The following LRFN5 variants were observed in gnomAD, a reference collection of about 807,000 sequenced individuals.
LRFN5 encodes the protein leucine rich repeat and fibronectin type III domain containing 5, also known as leucine-rich repeat and fibronectin type-III domain-containing protein 5.
Under a neutral mutation model 45.6 loss-of-function variants are expected in LRFN5, and 24 were observed. That is an observed-to-expected ratio of 0.53 (90% CI 0.38 to 0.74). The LOEUF is 0.74. Ranked by LOEUF, LRFN5 falls within the 30% of genes least tolerant of loss-of-function variation. LRFN5 has a pLI of 0.00. For synonymous variants in LRFN5, 340 were observed against 313.8 expected, an observed-to-expected ratio of 1.08 and a Z score of -0.88; for missense variants, 776 against 861.5, an observed-to-expected ratio of 0.90 and a Z score of 1.24.
At chr14:41,867,651 C>T (rs561212408) in intron 2 of LRFN5, among the ~76,000 whole-genome samples, 1 of 152,220 alleles carries the variant, frequency 6.6e-6, no homozygotes, top group East Asian at 1.9e-4. Context: ...AGCAGATCTC[C>T]ATATTACATT....
chr14:41,806,288 T>C (rs1002447987), intron 2 of LRFN5, among the ~76,000 whole-genome samples: 1 of 152,156 alleles, frequency 6.6e-6, no homozygotes, highest in African/African-American at 2.4e-5. Flanking sequence ...GCCTTCATTG[T>C]GCTCAGCATT....
intron 2 of LRFN5, among the ~76,000 whole-genome samples, chr14:41,869,208 A>G (rs934543125): frequency 2.6e-5 from 4 of 152,100 alleles, no homozygotes; most frequent in Non-Finnish European, 4.4e-5. Context: ...GGTTGTTTCC[A>G]GTTTGACATT....
chr14:41,831,462 A>T (rs1400249532), intron 2 of LRFN5, among the ~76,000 whole-genome samples: 1 of 152,172 alleles, frequency 6.6e-6, no homozygotes, highest in Non-Finnish European at 1.5e-5. Context: ...TAAACACTCA[A>T]TGTATGCAAT....
At chr14:41,883,982 C>G (rs1461708184) in intron 2 of LRFN5, among the ~76,000 whole-genome samples, 1 of 152,082 alleles carries the variant, frequency 6.6e-6, no homozygotes, top group Non-Finnish European at 1.5e-5. Flanking sequence ...CCCTTTTTAT[C>G]AGTATTACAG....
chr14:41,897,524 A>G (rs1890980263), intron 4 of LRFN5, among the ~76,000 whole-genome samples: 1 of 152,108 alleles, frequency 6.6e-6, no homozygotes, highest in African/African-American at 2.4e-5. Flanking sequence ...AAATATTTAT[A>G]CTCATAACAT....
At chr14:41,711,442 T>A (rs1883281419) in intron 1 of LRFN5, among the ~76,000 whole-genome samples, 1 of 152,134 alleles carries the variant, frequency 6.6e-6, no homozygotes, top group Non-Finnish European at 1.5e-5. Context: ...AGTAACATCT[T>A]ACTGAATCAT....
rs1888615869 is a variant in LRFN5, at chr14:41,835,070, G to A, written c.-20-51536G>A. ...TAGAAGCCCAAAGAATGAAAGCAAA[G>A]TTTTTTCATCATTATATATTCTTAT... On this transcript the variant is annotated intron_variant, in intron 2 of 5. Coordinates refer to ENST00000298119, the MANE Select transcript of LRFN5 (RefSeq NM_152447.5). 2.0e-5 allele frequency among the ~76,000 whole-genome samples: 3 copies of A among 150,924 alleles called. No homozygotes were observed. The South Asian group carries it at 6.3e-4, about 32-fold the overall frequency.
intron 1 of LRFN5, among the ~76,000 whole-genome samples, chr14:41,683,875 A>G (rs1193741421): frequency 2.0e-5 from 3 of 152,226 alleles, no homozygotes; most frequent in African/African-American, 7.2e-5. Flanking sequence ...ATACTGCCCA[A>G]GGTAATCTAT....
chr14:41,642,307 G>T (rs1437610516), intron 1 of LRFN5, among the ~76,000 whole-genome samples: 1 of 152,112 alleles, frequency 6.6e-6, no homozygotes, highest in Non-Finnish European at 1.5e-5. Flanking sequence ...GTAAAAGGTT[G>T]TTTGTGTTAT....
intron 2 of LRFN5, among the ~76,000 whole-genome samples, chr14:41,869,759 G>A (rs1889956823): frequency 1.3e-5 from 2 of 151,994 alleles, no homozygotes; most frequent in South Asian, 4.2e-4. Flanking sequence ...AAAACCATCA[G>A]ATCTTGTGAG....
intron 2 of LRFN5, among the ~76,000 whole-genome samples, chr14:41,845,819 A>G (rs1488094740): frequency 1.3e-5 from 2 of 152,216 alleles, no homozygotes; most frequent in Middle Eastern, 3.2e-3. Flanking sequence ...ATTCTTATAT[A>G]AAGCCAAAGC....
chr14:41,670,125 A>C (rs191459406), intron 1 of LRFN5, among the ~76,000 whole-genome samples: 1,324 of 113,730 alleles, frequency 0.012, 4 homozygotes, highest in East Asian at 0.036. Flanking sequence ...ATATATATAC[A>C]TGTATATATA....
intron 2 of LRFN5, among the ~76,000 whole-genome samples, chr14:41,782,609 T>C (rs940963661): frequency 6.6e-6 from 1 of 152,182 alleles, no homozygotes; most frequent in African/African-American, 2.4e-5. Context: ...ACATCAGACA[T>C]GTGGCATTGA....
chr14:41,663,967 G>A (rs776229403), intron 1 of LRFN5, among the ~76,000 whole-genome samples: 4 of 151,974 alleles, frequency 2.6e-5, no homozygotes, highest in Non-Finnish European at 5.9e-5. Flanking sequence ...TACAATCATC[G>A]TATTCACAGT....
At chr14:41,836,130 G>A (rs1032358199) in intron 2 of LRFN5, among the ~76,000 whole-genome samples, 5 of 152,094 alleles carry the variant, frequency 3.3e-5, no homozygotes, top group East Asian at 1.9e-4. Context: ...GGACTTGGGG[G>A]AAAGAGGAAT....
At chr14:41,675,715 G>T (rs566985137) in intron 1 of LRFN5, among the ~76,000 whole-genome samples, 5 of 152,112 alleles carry the variant, frequency 3.3e-5, no homozygotes, top group African/African-American at 4.8e-5. Flanking sequence ...GCCCACATTT[G>T]ACTAAATGAA....
intron 1 of LRFN5, among the ~76,000 whole-genome samples, chr14:41,677,460 A>G (rs1247036002): frequency 6.6e-6 from 1 of 152,146 alleles, no homozygotes; most frequent in Admixed American, 6.5e-5. Flanking sequence ...TTATAATTAT[A>G]TTTAAAGAAC....
At chr14:41,672,723 CTGGGATTTGTGGA>C (rs141754042) in intron 1 of LRFN5, among the ~76,000 whole-genome samples, 4,892 of 152,224 alleles carry the variant, frequency 0.032, 121 homozygotes, top group Non-Finnish European at 0.049. Flanking sequence ...AATCCTTACC[CTGGGATTTGTGGA>C]TGGGTTTCAA....
intron 1 of LRFN5, among the ~76,000 whole-genome samples, chr14:41,644,889 A>G (rs1306008147): frequency 6.6e-6 from 1 of 152,194 alleles, no homozygotes; most frequent in Admixed American, 6.5e-5. Flanking sequence ...AGATGGGAAT[A>G]AATTTCAGGG....
Sources: allele counts gnomAD v4.1 joint callset (sites outside exome capture counted in the v4.1 genomes callset), GRCh38; gene constraint gnomAD v4.1.1; transcripts MANE v1.5; gene names NCBI Gene and HGNC (gene_info 2026-07-23, HGNC 2026-07-21).